Variants in ADGRL2 observed in about 807,000 individuals in gnomAD.
ADGRL2 encodes the protein adhesion G protein-coupled receptor L2, also known as calcium-independent alpha-latrotoxin receptor 2.
Under a neutral mutation model 157.4 loss-of-function variants are expected in ADGRL2, and 44 were observed. The ratio of observed to expected loss-of-function variants is 0.28; its 90% CI spans 0.22 to 0.36. The LOEUF is 0.36. ADGRL2 is among the 10% of genes least tolerant of loss of function. The probability of loss-of-function intolerance (pLI) is 1.00; values close to 1 mark genes in which losing one functional copy is unlikely to be tolerated. For synonymous variants in ADGRL2, 585 were observed against 624.7 expected (o/e 0.94, Z 0.95); for missense variants, 1,510 against 1,768.9 (o/e 0.85, Z 2.63).
In ADGRL2 at chr1:81,429,872, GTTTTTGT is replaced by G. The variant is rs2077287937; in HGVS notation, c.-301-15153_-301-15147del. 2.0e-5 allele frequency among the ~76,000 whole-genome samples: 3 copies of G among 152,128 alleles called. No individual in the cohort carries two copies. In the South Asian group the frequency reaches 6.3e-4, roughly 32 times the overall value. ...CATGAGCTTTATATTGTTGTTTTTT[GTTTTTGT>G]TTTTTGTTTTGTTGTTGTTGTTGTT... is the stretch of plus-strand genomic sequence containing the variant. On this transcript the variant is annotated intron_variant, in intron 1 of 24. Coordinates refer to the ADGRL2 transcript ENST00000370721.
intron 2 of ADGRL2, among the ~76,000 whole-genome samples, chr1:81,462,583 T>C (rs1016273624): frequency 2.6e-5 from 4 of 152,176 alleles, no homozygotes; most frequent in African/African-American, 9.7e-5. Context: ...ATGCGTGTGA[T>C]GTAAAGTTAC....
At chr1:81,329,598 TATG>T (rs1661135097) in intron 1 of ADGRL2, among the ~76,000 whole-genome samples, 1 of 152,200 alleles carries the variant, frequency 6.6e-6, no homozygotes, top group South Asian at 2.1e-4. Flanking sequence ...TTTAGCTTCA[TATG>T]TCTGCCTGAG....
rs547958290 is a variant in ADGRL2 at position 81,945,932 on chromosome 1, T to G, written c.1210+2163T>G. ...CATTTAGAGACTCCCTTCTCTCTGA[T>G]CCAAGATGTGTGCTACCTATATGCA... On this transcript the variant is annotated intron_variant, in intron 6 of 23. Transcript: ENST00000686636. Among the ~76,000 whole-genome samples, 15 of 152,122 alleles carry G rather than the reference T, an allele frequency of 9.9e-5. 1 individual carries two copies. The highest frequency in any genetic ancestry group is 1.9e-4 in the Non-Finnish European group (13 of 67,946).
intron 2 of ADGRL2, among the ~76,000 whole-genome samples, chr1:81,763,597 A>AC (rs1257512319): frequency 6.6e-6 from 1 of 150,458 alleles, no homozygotes; most frequent in South Asian, 2.1e-4. Flanking sequence ...TCAAAAAAAA[A>AC]AAAAGGGCCA....
chr1:81,987,492 T>C, intron 22 of ADGRL2: 3 of 687,458 alleles, frequency 4.4e-6, no homozygotes, highest in Non-Finnish European at 8.0e-6. Flanking sequence ...TATAGTATAG[T>C]GCAGCTTTAT....
chr1:81,398,388 T>G (rs990174668), intron 1 of ADGRL2, among the ~76,000 whole-genome samples: 2 of 152,204 alleles, frequency 1.3e-5, no homozygotes, highest in Non-Finnish European at 1.5e-5. Flanking sequence ...ATTTTTCTTT[T>G]CTCCCATTTA....
intron 3 of ADGRL2, among the ~76,000 whole-genome samples, chr1:81,613,996 C>T (rs1434059161): frequency 6.6e-6 from 1 of 152,158 alleles, no homozygotes; most frequent in Non-Finnish European, 1.5e-5. Context: ...TGTTTTCCCC[C>T]TCTTCCAGAT....
At position 81,468,845 on chromosome 1, in the gene ADGRL2, T is replaced by C. The variant is rs536302521; in HGVS notation, c.-248+23756T>C. ...AATCTGTGTGCTCAGTATGTTAATA[T>C]ACTGAGATGGTAAGAGAAAATCCAG... On this transcript the variant is annotated intron_variant, in intron 2 of 24. Coordinates refer to the ADGRL2 transcript ENST00000370721. Among the ~76,000 whole-genome samples the C allele has an allele frequency of 3.3e-5, 5 of 152,276 alleles. No homozygotes were observed. In the East Asian group the frequency reaches 5.8e-4, roughly 18 times the overall value.
intron 1 of ADGRL2, among the ~76,000 whole-genome samples, chr1:81,717,165 T>C (rs565125834): frequency 1.3e-5 from 2 of 152,290 alleles, no homozygotes; most frequent in Admixed American, 1.3e-4. Context: ...AGCAAAGGCT[T>C]GGGAATGTCT....
intron 2 of ADGRL2, among the ~76,000 whole-genome samples, chr1:81,531,886 T>C (rs2079608368): frequency 6.6e-6 from 1 of 152,170 alleles, no homozygotes; most frequent in Non-Finnish European, 1.5e-5. Context: ...TTTTATATAC[T>C]TTAGACACCG....
At chr1:81,622,874 A>G (rs1004152983) in intron 3 of ADGRL2, among the ~76,000 whole-genome samples, 1 of 152,198 alleles carries the variant, frequency 6.6e-6, no homozygotes, top group Non-Finnish European at 1.5e-5. Context: ...ATGATATTTC[A>G]TTTTACATAT....
chr1:81,867,655 A>G (rs564532002), intron 2 of ADGRL2, among the ~76,000 whole-genome samples: 7 of 152,344 alleles, frequency 4.6e-5, no homozygotes, highest in Admixed American at 2.0e-4. Context: ...TTTTGTTTAC[A>G]TGGAATTGCT....
At chr1:81,367,192 A>G (rs1161435429) in intron 1 of ADGRL2, among the ~76,000 whole-genome samples, 1 of 116,150 alleles carries the variant, frequency 8.6e-6, no homozygotes, top group Non-Finnish European at 2.0e-5. Flanking sequence ...TCCAGGCAGT[A>G]ACTCTTGTTT....
chr1:81,476,537 TTCTTC>T (rs1177138931), intron 2 of ADGRL2, among the ~76,000 whole-genome samples: 1 of 152,188 alleles, frequency 6.6e-6, no homozygotes, highest in Non-Finnish European at 1.5e-5. Flanking sequence ...GCCCAGATCC[TTCTTC>T]TCTTCTCTTT....
intron 1 of ADGRL2, among the ~76,000 whole-genome samples, chr1:81,745,229 A>G (rs1018845800): frequency 2.0e-5 from 3 of 152,234 alleles, no homozygotes; most frequent in Admixed American, 1.3e-4. Context: ...TAACTTTTTT[A>G]TAGCACAATG....
chr1:81,705,323 G>A (rs142324261), intron 1 of ADGRL2, among the ~76,000 whole-genome samples: 3 of 152,088 alleles, frequency 2.0e-5, no homozygotes, highest in African/African-American at 7.2e-5. Context: ...GAGCCACCAC[G>A]CCCAGCCCTG....
intron 1 of ADGRL2, among the ~76,000 whole-genome samples, chr1:81,444,399 T>A (rs1307727821): frequency 6.6e-6 from 1 of 152,240 alleles, no homozygotes; most frequent in Non-Finnish European, 1.5e-5. Flanking sequence ...TGTTTTTACA[T>A]GTAAAATGTT....
In ADGRL2 at chr1:81,989,778, T is replaced by C. The variant is rs950406354; in HGVS notation, c.3656-613T>C. On this transcript the variant is annotated intron_variant, in intron 23 of 23. Coordinates refer to ENST00000686636, the MANE Select transcript of ADGRL2 (RefSeq NM_001366006.2). The stretch of plus-strand genomic sequence containing the variant: ...TTGTGGGCCCCTGGTCCAGTCAGTA[T>C]GAGAGATGGCTGTCTTTGTTTAACA... The C allele has an allele frequency of 1.9e-6, 3 of 1,565,014 alleles. No individual in the cohort carries two copies. In the African/African-American group the frequency reaches 4.1e-5, roughly 21 times the overall value.
At chr1:81,463,937 C>T (rs1231949689) in intron 2 of ADGRL2, among the ~76,000 whole-genome samples, 1 of 150,956 alleles carries the variant, frequency 6.6e-6, no homozygotes, top group Non-Finnish European at 1.5e-5. Flanking sequence ...CCTGATAATA[C>T]GGAAGGAAAA....
Sources: gnomAD v4.1 joint callset for allele counts (sites outside exome capture counted in the v4.1 genomes callset) on GRCh38, gnomAD v4.1.1 for gene constraint, MANE v1.5 for transcripts, NCBI Gene and HGNC (gene_info 2026-07-23, HGNC 2026-07-21) for gene names.